RBMS3: variants seen among roughly 807,000 people sequenced by gnomAD.
RBMS3 encodes RNA binding motif single stranded interacting protein 3.
RBMS3 carries 27 observed loss-of-function variants against 66.8 expected under a neutral mutation model. That is an observed-to-expected ratio of 0.40 (90% CI 0.30 to 0.56). The LOEUF (loss-of-function observed/expected upper bound fraction) is 0.56. Among genes scored for constraint, RBMS3 ranks in the 20% least tolerant of loss-of-function variants. RBMS3 has a pLI of 0.40. For missense variants in RBMS3, 513 were observed against 549.5 expected (o/e 0.93, Z 0.66); for synonymous variants, 188 against 183.0 (o/e 1.03, Z -0.22).
At chr3:29,718,476 G>C (rs2053501325) in intron 4 of RBMS3, among the ~76,000 whole-genome samples, 1 of 152,064 alleles carries the variant, frequency 6.6e-6, no homozygotes. Flanking sequence ...TATTAAGCAA[G>C]TTTGAGCTCC....
At chr3:29,587,344 G>T in intron 4 of RBMS3, 139 bp downstream of exon 4, 1 of 526,494 alleles carries the variant, frequency 1.9e-6, no homozygotes, top group Non-Finnish European at 3.0e-6. Context: ...TTTGCTCTGA[G>T]CTCACTCAAA....
At chr3:29,303,396 A>G (rs1480187951) in intron 1 of RBMS3, among the ~76,000 whole-genome samples, 1 of 152,032 alleles carries the variant, frequency 6.6e-6, no homozygotes, top group Non-Finnish European at 1.5e-5. Context: ...GGTGCTTGGC[A>G]TCAGGTTCAG....
intron 1 of RBMS3, among the ~76,000 whole-genome samples, chr3:29,428,811 A>G (rs2041066835): frequency 6.6e-6 from 1 of 152,242 alleles, no homozygotes; most frequent in Non-Finnish European, 1.5e-5. Flanking sequence ...CTTGTTTGAC[A>G]GTATTTGAAA....
intron 1 of RBMS3, among the ~76,000 whole-genome samples, chr3:29,394,949 T>C (rs1354211738): frequency 6.6e-6 from 1 of 152,210 alleles, no homozygotes; most frequent in African/African-American, 2.4e-5. Context: ...CCAGACTTTG[T>C]TCAAAAGTTC....
At chr3:29,450,013 T>C (rs2041962697) in intron 2 of RBMS3, among the ~76,000 whole-genome samples, 1 of 152,138 alleles carries the variant, frequency 6.6e-6, no homozygotes, top group Non-Finnish European at 1.5e-5. Flanking sequence ...TTATTTCAAT[T>C]GAGAGTTTTC....
In RBMS3 at chr3:29,783,190, C is replaced by T. The variant is rs187277634; in HGVS notation, c.637+20201C>T. On this transcript the variant is annotated intron_variant, in intron 6 of 14. Coordinates refer to ENST00000383767, the MANE Select transcript of RBMS3 (RefSeq NM_001003793.3). The stretch of plus-strand genomic sequence containing the variant: ...ATCTAGACCCCCCAAATGCAAGAAA[C>T]TCAAAGAACACCTGGAAAATTAATC... 3.9e-5 allele frequency among the ~76,000 whole-genome samples: 6 copies of T among 152,180 alleles called. No homozygotes were observed. In the East Asian group the frequency reaches 9.7e-4, roughly 25 times the overall value.
At chr3:29,595,843 A>G (rs2047926060) in intron 4 of RBMS3, among the ~76,000 whole-genome samples, 1 of 152,316 alleles carries the variant, frequency 6.6e-6, no homozygotes, top group African/African-American at 2.4e-5. Context: ...AGTGCCGGAC[A>G]ACCATGTGTC....
chr3:29,812,303 C>G (rs938684632), intron 6 of RBMS3, among the ~76,000 whole-genome samples: 5 of 152,100 alleles, frequency 3.3e-5, no homozygotes, highest in African/African-American at 2.4e-5. Context: ...GGGAGAGAGC[C>G]ATTACCCTGC....
intron 11 of RBMS3, among the ~76,000 whole-genome samples, chr3:29,938,259 G>T (rs2061314266): frequency 6.6e-6 from 1 of 151,878 alleles, no homozygotes; most frequent in Non-Finnish European, 1.5e-5. Flanking sequence ...ACATTTGTAA[G>T]GGACCATGAC....
chr3:29,548,930 G>T (rs1326879553), intron 3 of RBMS3, among the ~76,000 whole-genome samples: 1 of 151,800 alleles, frequency 6.6e-6, no homozygotes, highest in Non-Finnish European at 1.5e-5. Flanking sequence ...TGTAAAAATG[G>T]TAAAACAGAA....
At chr3:29,420,865 G>A (rs533917965) in intron 1 of RBMS3, among the ~76,000 whole-genome samples, 2 of 151,876 alleles carry the variant, frequency 1.3e-5, no homozygotes, top group East Asian at 3.9e-4. Context: ...AGCACTTTGG[G>A]AGGCCGAGGC....
In RBMS3 at chr3:29,475,171, A is replaced by G. The variant is rs1309341387; in HGVS notation, c.249-13270A>G. 3.3e-5 allele frequency among the ~76,000 whole-genome samples: 5 copies of G among 152,252 alleles called. No homozygotes were observed. In the East Asian group the frequency reaches 9.6e-4, roughly 29 times the overall value. ...ACGGATGCTTAAGGCATAATTAAAT[A>G]CCAAAATTAAGAGGAATAATTAGTC... On this transcript the variant is annotated intron_variant, in intron 2 of 14. Coordinates refer to ENST00000383767, the MANE Select transcript of RBMS3 (RefSeq NM_001003793.3).
At chr3:29,802,369 T>G (rs1307482017) in intron 6 of RBMS3, among the ~76,000 whole-genome samples, 1 of 152,166 alleles carries the variant, frequency 6.6e-6, no homozygotes, top group African/African-American at 2.4e-5. Flanking sequence ...AAGTTGACCT[T>G]TAGTCCAAGG....
At chr3:29,859,307 A>G (rs575661522) in intron 6 of RBMS3, among the ~76,000 whole-genome samples, 1 of 152,282 alleles carries the variant, frequency 6.6e-6, no homozygotes, top group Admixed American at 6.5e-5. Context: ...AACCACTGTA[A>G]TTATATTTTT....
intron 4 of RBMS3, among the ~76,000 whole-genome samples, chr3:29,685,423 C>T (rs566166897): frequency 2.0e-5 from 3 of 151,998 alleles, no homozygotes; most frequent in Non-Finnish European, 4.4e-5. Flanking sequence ...TCTGTTTTTT[C>T]ATTTGTATAT....
intron 1 of RBMS3, among the ~76,000 whole-genome samples, chr3:29,308,682 C>T (rs896346463): frequency 2.1e-5 from 3 of 146,270 alleles, no homozygotes; most frequent in African/African-American, 7.6e-5. Context: ...AATGGTATGG[C>T]CAAAGGTCTG....
intron 6 of RBMS3, among the ~76,000 whole-genome samples, chr3:29,860,906 G>A (rs917136427): frequency 6.6e-6 from 1 of 152,150 alleles, no homozygotes; most frequent in Non-Finnish European, 1.5e-5. Flanking sequence ...GCCTCGCTCT[G>A]TTGCCCAGGC....
chr3:29,434,860 A>G lies in RBMS3; in HGVS notation c.193A>G (p.Ile65Val), dbSNP rs771910257. 111 of 1,614,040 alleles carry G rather than the reference A, an allele frequency of 6.9e-5. No individual in the cohort carries two copies. In the South Asian group the frequency reaches 1.1e-3, roughly 15 times the overall value. Residue 65 changes from isoleucine (I) to valine (V), a missense_variant, in exon 2 of 15, where the codon ATT becomes GTT. Transcript: ENST00000383767. ...ACAGTTGAGTAAAACCAACCTGTAC[A>G]TTCGAGGCCTCCCACCAGGCACCAC... ...GEQLSKTNLY[I>V]RGLPPGTTDQ...
intron 5 of RBMS3, among the ~76,000 whole-genome samples, chr3:29,742,163 A>G (rs1353861537): frequency 6.6e-6 from 1 of 152,198 alleles, no homozygotes; most frequent in Non-Finnish European, 1.5e-5. Context: ...TATATTCTAA[A>G]AGGCAGAACT....
Sources: allele counts gnomAD v4.1 joint callset (sites outside exome capture counted in the v4.1 genomes callset), GRCh38; gene constraint gnomAD v4.1.1; transcripts MANE v1.5; gene names NCBI Gene and HGNC (gene_info 2026-07-23, HGNC 2026-07-21).